EFCAB3: variants seen among roughly 807,000 people sequenced by gnomAD.
The protein encoded by EFCAB3 is EF-hand calcium-binding domain-containing protein 3.
EFCAB3 carries 36 observed loss-of-function variants against 42.2 expected under a neutral mutation model. The ratio of observed to expected loss-of-function variants is 0.85; its 90% CI spans 0.65 to 1.13. The LOEUF is 1.13. EFCAB3 is among the 50% of genes most tolerant of loss of function. The pLI, the probability that EFCAB3 is intolerant of heterozygous loss-of-function variation, is 0.00. For synonymous variants in EFCAB3, 170 were observed against 172.8 expected, an observed-to-expected ratio of 0.98 and a Z score of 0.13; for missense variants, 418 against 505.1, an observed-to-expected ratio of 0.83 and a Z score of 1.65.
chr17:62,412,307 C>A (rs1444289143), intron 8 of EFCAB3, among the ~76,000 whole-genome samples: 1 of 125,260 alleles, frequency 8.0e-6, no homozygotes, highest in Admixed American at 9.9e-5. Context: ...ACCCGGGAGG[C>A]AAAGGTTGCA....
At chr17:62,373,661 A>AG (rs2070129950) in intron 1 of EFCAB3, among the ~76,000 whole-genome samples, 1 of 152,202 alleles carries the variant, frequency 6.6e-6, no homozygotes. Context: ...TTCACCTGAC[A>AG]GAAAAATGAA....
At chr17:62,370,402 C>T in intron 1 of EFCAB3, 1 of 1,428,358 alleles carries the variant, frequency 7.0e-7, no homozygotes, top group African/African-American at 1.4e-5. Flanking sequence ...CGCCTGTAAT[C>T]CCAGCACTTT....
At chr17:62,380,636 A>T (rs1017872985) in intron 1 of EFCAB3, 23 bp downstream of exon 1, 2 of 974,214 alleles carry the variant, frequency 2.1e-6, no homozygotes, top group African/African-American at 3.5e-5. Context: ...ATTTTGTAGG[A>T]TTCTATGCTA....
At position 62,406,578 on chromosome 17, in the gene EFCAB3, C is replaced by T. The variant is rs1167529668; in HGVS notation, c.587C>T (p.Thr196Ile). The stretch of plus-strand genomic sequence containing the variant: ...AGGACACTTAAGCCAGACATATGCA[C>T]ACCTCCAAGCTCAAGCATGGCTGCC... The part of the protein sequence containing the change: ...GKRTLKPDIC[T>I]PPSSSMAAFA... Residue 196 changes from threonine to isoleucine, a missense_variant, in exon 7 of 10, where the codon ACA becomes ATA. Coordinates refer to ENST00000305286, the MANE Select transcript of EFCAB3 (RefSeq NM_173503.4). 2 of 1,613,994 alleles carry T rather than the reference C, an allele frequency of 1.2e-6. No individual in the cohort carries two copies. Among genetic ancestry groups the T allele is most frequent in the Non-Finnish European group, 1.7e-6 (2 of 1,180,000 alleles).
chr17:62,413,890 A>G (rs753573167), intron 9 of EFCAB3, 36 bp downstream of exon 9: 14 of 1,593,484 alleles, frequency 8.8e-6, no homozygotes, highest in Non-Finnish European at 1.2e-5. Flanking sequence ...CCCAGAAATC[A>G]CTGACAAAAA....
chr17:62,383,298 A>T (rs1390358027), intron 2 of EFCAB3: 4 of 307,382 alleles, frequency 1.3e-5, no homozygotes, highest in Non-Finnish European at 2.4e-5. Context: ...ACATGGTGAA[A>T]CTCCGTCTCT....
intron 2 of EFCAB3, among the ~76,000 whole-genome samples, chr17:62,386,920 C>G (rs1567722261): frequency 6.6e-6 from 1 of 152,088 alleles, no homozygotes; most frequent in Non-Finnish European, 1.5e-5. Context: ...TCCTGAGTGG[C>G]TAGGACTACA....
chr17:62,378,273 A>AT (rs894010162), upstream of EFCAB3, among the ~76,000 whole-genome samples: 39 of 152,240 alleles, frequency 2.6e-4, 1 homozygote, highest in African/African-American at 6.5e-4. Flanking sequence ...TCCATTTATG[A>AT]TTTTTTTAAC....
chr17:62,404,184 G>A (rs924433808), intron 6 of EFCAB3, among the ~76,000 whole-genome samples: 2 of 152,060 alleles, frequency 1.3e-5, no homozygotes, highest in Non-Finnish European at 2.9e-5. Flanking sequence ...AGGGCTCTGG[G>A]CTATAGTGCA....
intron 6 of EFCAB3, among the ~76,000 whole-genome samples, chr17:62,396,796 T>C (rs986614205): frequency 1.3e-5 from 2 of 151,826 alleles, no homozygotes; most frequent in African/African-American, 4.8e-5. Context: ...AGAAGCTCAT[T>C]TGAGCCGAGG....
intron 6 of EFCAB3, among the ~76,000 whole-genome samples, chr17:62,402,702 T>C (rs1284000291): frequency 1.3e-5 from 2 of 152,248 alleles, no homozygotes; most frequent in Non-Finnish European, 2.9e-5. Context: ...CAGTATTTTA[T>C]TGAGGATTTT....
At chr17:62,380,003 C>T (rs2070182558), upstream of EFCAB3, among the ~76,000 whole-genome samples, 1 of 152,014 alleles carries the variant, frequency 6.6e-6, no homozygotes, top group Non-Finnish European at 1.5e-5. Flanking sequence ...CTGATGAAGA[C>T]TTTCTCTTTT....
intron 8 of EFCAB3, among the ~76,000 whole-genome samples, chr17:62,409,553 A>T (rs1012005552): frequency 6.6e-6 from 1 of 151,966 alleles, no homozygotes; most frequent in African/African-American, 2.4e-5. Flanking sequence ...CTAAAAATAA[A>T]TTTTTTAATT....
At chr17:62,389,864 G>A (rs1467301483) in intron 3 of EFCAB3, among the ~76,000 whole-genome samples, 2 of 151,904 alleles carry the variant, frequency 1.3e-5, no homozygotes, top group South Asian at 2.1e-4. Flanking sequence ...TCGGCTCACT[G>A]CAAGCTCCGC....
intron 6 of EFCAB3, among the ~76,000 whole-genome samples, chr17:62,404,662 G>C (rs926984592): frequency 1.3e-5 from 2 of 152,180 alleles, no homozygotes; most frequent in African/African-American, 4.8e-5. Context: ...CAGGCATGGT[G>C]GCGCATGCCT....
intron 1 of EFCAB3, among the ~76,000 whole-genome samples, chr17:62,381,368 T>C (rs1283015831): frequency 6.6e-6 from 1 of 152,044 alleles, no homozygotes; most frequent in East Asian, 1.9e-4. Context: ...ATGGTGTATA[T>C]GTGCCACATT....
chr17:62,370,425 C>A, intron 1 of EFCAB3: 1 of 1,171,098 alleles, frequency 8.5e-7, no homozygotes, highest in Non-Finnish European at 1.2e-6. Flanking sequence ...GATGCCAAGG[C>A]AGGTGGATCA....
At chr17:62,376,390 G>A (rs8082307), upstream of EFCAB3, among the ~76,000 whole-genome samples, 91,878 of 151,938 alleles carry the variant, frequency 0.6, 29,589 homozygotes, top group Admixed American at 0.75. Context: ...CTTGAACCTG[G>A]GAGGCAGAGG....
rs2070550034 is a variant in EFCAB3 at position 62,416,407 on chromosome 17, T to C, written c.*78T>C. 8.2e-7 allele frequency: 1 copy of C among 1,216,878 alleles called. No individual in the cohort carries two copies. Among genetic ancestry groups the C allele is most frequent in the Non-Finnish European group, 1.1e-6 (1 of 887,946 alleles). The allele number at this position is 1,216,878 out of a possible 1,614,324, so 75.4% of individuals were successfully genotyped here. ...AAAATTATTGTTTCTTGCTTTTGTC[T>C]AAGTACATTCTTAGAAGCTGGAAAT... On this transcript the variant is annotated 3_prime_UTR_variant, in exon 10 of 10. Transcript: ENST00000305286.
Sources: allele counts gnomAD v4.1 joint callset (sites outside exome capture counted in the v4.1 genomes callset), GRCh38; gene constraint gnomAD v4.1.1; transcripts MANE v1.5; gene names NCBI Gene and HGNC (gene_info 2026-07-23, HGNC 2026-07-21).